PBX1: variants seen among roughly 807,000 people sequenced by gnomAD.
PBX1 encodes pre-B-cell leukemia transcription factor 1.
In PBX1, 6 loss-of-function variants were observed where a neutral mutation model predicts 53.4. The ratio of observed to expected loss-of-function variants is 0.11; its 90% CI spans 0.06 to 0.22. The LOEUF (loss-of-function observed/expected upper bound fraction) is 0.22, where lower values mean the gene tolerates loss of function less well. PBX1 is among the 10% of genes least tolerant of loss of function. PBX1 has a pLI of 1.00. For synonymous variants in PBX1, 204 were observed against 212.3 expected (o/e 0.96, Z 0.34); for missense variants, 251 against 551.4 (o/e 0.46, Z 5.46).
intron 2 of PBX1, among the ~76,000 whole-genome samples, chr1:164,593,192 A>G (rs1332334610): frequency 6.6e-6 from 1 of 152,266 alleles, no homozygotes; most frequent in Admixed American, 6.5e-5. Context: ...TCCTGGGCTC[A>G]AGTGATCTGC....
chr1:164,580,403 C>T (rs572204231), intron 2 of PBX1, among the ~76,000 whole-genome samples: 6 of 152,280 alleles, frequency 3.9e-5, no homozygotes, highest in Middle Eastern at 3.4e-3. Context: ...CTTAGCCTCC[C>T]GAGTAGCTGG....
chr1:164,701,085 A>T lies in PBX1; in HGVS notation c.266-91409A>T, dbSNP rs10918058. ...TGAAACAATATATGCGTGTCAGATA[A>T]TAAGGTAAAGCTCCAACTCCTAATC... On this transcript the variant is annotated intron_variant, in intron 2 of 8. Transcript: ENST00000420696. Among the ~76,000 whole-genome samples the T allele has an allele frequency of 8.4e-3, 1,273 of 152,142 alleles. 61 individuals carry two copies. Among genetic ancestry groups the T allele is most frequent in the Admixed American group, 0.069 (1,052 of 15,288 alleles).
At chr1:164,870,363 A>T (rs182803050) in intron 2 of PBX1, among the ~76,000 whole-genome samples, 11 of 55,818 alleles carry the variant, frequency 2.0e-4, no homozygotes, top group Admixed American at 4.1e-4. Context: ...CTTTCTTTCG[A>T]GATGAAGTCT....
At chr1:164,832,531 G>T (rs1012907599) in intron 8 of PBX1, among the ~76,000 whole-genome samples, 2 of 152,054 alleles carry the variant, frequency 1.3e-5, no homozygotes, top group Non-Finnish European at 2.9e-5. Context: ...ATAACAGAAG[G>T]CAAGACTGTT....
intron 2 of PBX1, among the ~76,000 whole-genome samples, chr1:164,861,472 C>T (rs1335820437): frequency 6.6e-6 from 1 of 152,134 alleles, no homozygotes; most frequent in Non-Finnish European, 1.5e-5. Flanking sequence ...TTTATTTATT[C>T]CTTCACTTAG....
chr1:164,590,876 ACT>A (rs1467950080), intron 2 of PBX1, among the ~76,000 whole-genome samples: 1 of 151,862 alleles, frequency 6.6e-6, no homozygotes, highest in Non-Finnish European at 1.5e-5. Flanking sequence ...ACAAGATCTT[ACT>A]CTGTCACCCA....
At chr1:164,655,100 G>GTTTTTTTTTTTTTTTTTTTT (rs35954587) in intron 2 of PBX1, among the ~76,000 whole-genome samples, 1 of 138,822 alleles carries the variant, frequency 7.2e-6, no homozygotes. Flanking sequence ...TCTGATGTGT[G>GTTTTTTTTTTTTTTTTTTTT]TTTTTTTTTT....
intron 2 of PBX1, among the ~76,000 whole-genome samples, chr1:164,789,362 T>A (rs1284364611): frequency 6.6e-6 from 1 of 152,158 alleles, no homozygotes; most frequent in Non-Finnish European, 1.5e-5. Context: ...GAGGAAATAT[T>A]CTCAGAGGTT....
intron 2 of PBX1, among the ~76,000 whole-genome samples, chr1:164,643,506 A>C (rs1659270812): frequency 6.6e-6 from 1 of 152,182 alleles, no homozygotes; most frequent in Non-Finnish European, 1.5e-5. Context: ...AGATAGGGCA[A>C]CATTTTTAAG....
intron 2 of PBX1, among the ~76,000 whole-genome samples, chr1:164,673,811 C>G (rs1297396046): frequency 2.6e-5 from 4 of 152,140 alleles, no homozygotes; most frequent in African/African-American, 7.2e-5. Flanking sequence ...ACATGCTACC[C>G]CCAGCCACTA....
intron 2 of PBX1, among the ~76,000 whole-genome samples, chr1:164,631,995 A>G (rs1396524572): frequency 6.6e-6 from 1 of 152,242 alleles, no homozygotes; most frequent in Non-Finnish European, 1.5e-5. Flanking sequence ...AGAGAGGCAA[A>G]TTAGAGCACT....
chr1:164,677,416 G>A (rs986898399), intron 2 of PBX1, among the ~76,000 whole-genome samples: 2 of 151,974 alleles, frequency 1.3e-5, no homozygotes, highest in East Asian at 1.9e-4. Flanking sequence ...TTTACAAAAC[G>A]CCATCATTTG....
At chr1:164,641,638 TA>T (rs1659154111) in intron 2 of PBX1, 1 of 152,222 alleles carries the variant, frequency 6.6e-6, no homozygotes. Context: ...GACACAAGGG[TA>T]GCAGGCCTGA....
chr1:164,684,067 A>C (rs959433942), intron 2 of PBX1: 2 of 152,124 alleles, frequency 1.3e-5, no homozygotes, highest in African/African-American at 4.8e-5. Context: ...ATCCTCCTGC[A>C]TTGGCCTTCC....
At chr1:164,761,095 AG>A (rs1666789376) in intron 2 of PBX1, among the ~76,000 whole-genome samples, 2 of 152,196 alleles carry the variant, frequency 1.3e-5, no homozygotes, top group African/African-American at 4.8e-5. Context: ...GATTTATTCA[AG>A]AATCTTGAGT....
intron 2 of PBX1, among the ~76,000 whole-genome samples, chr1:164,687,414 T>G (rs946437097): frequency 1.5e-4 from 23 of 151,740 alleles, no homozygotes; most frequent in Admixed American, 1.5e-3. Flanking sequence ...ATACAAAAAT[T>G]AGCCAGGTGT....
intron 2 of PBX1, among the ~76,000 whole-genome samples, chr1:164,863,625 T>A (rs543778951): frequency 6.6e-6 from 1 of 152,216 alleles, no homozygotes; most frequent in Non-Finnish European, 1.5e-5. Context: ...GGGTCAACAA[T>A]GTCTTCTTGA....
At chr1:164,674,102 T>A (rs77899323) in intron 2 of PBX1, among the ~76,000 whole-genome samples, 2,447 of 152,224 alleles carry the variant, frequency 0.016, 47 homozygotes, top group South Asian at 0.056. Flanking sequence ...CAGGTGTCAG[T>A]GTTTGTTTGC....
intron 2 of PBX1, among the ~76,000 whole-genome samples, chr1:164,630,413 T>C (rs1658336687): frequency 6.6e-6 from 1 of 152,174 alleles, no homozygotes; most frequent in African/African-American, 2.4e-5. Flanking sequence ...TGATCACCTA[T>C]TTGACTAGTG....
Sources: allele counts gnomAD v4.1 joint callset (sites outside exome capture counted in the v4.1 genomes callset), GRCh38; gene constraint gnomAD v4.1.1; transcripts MANE v1.5; gene names NCBI Gene and HGNC (gene_info 2026-07-23, HGNC 2026-07-21).